DCC: variants seen among roughly 807,000 people sequenced by gnomAD.
DCC encodes the protein netrin receptor DCC.
A neutral mutation model predicts 172.5 loss-of-function variants in DCC; 58 were observed. The observed-to-expected ratio is 0.34, with a 90% CI of 0.27 to 0.42. The LOEUF (loss-of-function observed/expected upper bound fraction) is 0.42, where lower values mean the gene tolerates loss of function less well. Ranked by LOEUF, DCC falls within the 10% of genes least tolerant of loss-of-function variation. The pLI, the probability that DCC is intolerant of heterozygous loss-of-function variation, is 1.00. For missense variants in DCC, 1,740 were observed against 1,791.0 expected (o/e 0.97, Z 0.51); for synonymous variants, 709 against 644.5 (o/e 1.10, Z -1.52).
In DCC at chr18:52,655,384, C is replaced by T. The variant is rs1453221035; in HGVS notation, c.92-96670C>T. ...AGTTTCTTACTTTCATTGAAAATGG[C>T]GGTCTCTAAGTGTAATCTTTGAAAC... is the stretch of plus-strand genomic sequence containing the variant. On this transcript the variant is annotated intron_variant, in intron 1 of 28. Coordinates refer to ENST00000442544, the MANE Select transcript of DCC (RefSeq NM_005215.4). 2.6e-5 allele frequency among the ~76,000 whole-genome samples: 4 copies of T among 152,092 alleles called. 1 individual carries two copies. In the South Asian group the frequency reaches 6.2e-4, roughly 24 times the overall value.
At chr18:52,736,673 C>T (rs1025356390) in intron 1 of DCC, among the ~76,000 whole-genome samples, 9 of 152,070 alleles carry the variant, frequency 5.9e-5, no homozygotes, top group Admixed American at 2.0e-4. Context: ...AATCCTAGTA[C>T]ATATTATACA....
chr18:52,362,830 C>T (rs2144273834), intron 1 of DCC, among the ~76,000 whole-genome samples: 1 of 152,164 alleles, frequency 6.6e-6, no homozygotes, highest in East Asian at 1.9e-4. Flanking sequence ...CATTTATTTA[C>T]TTGGGCTGCA....
intron 12 of DCC, among the ~76,000 whole-genome samples, chr18:53,266,995 A>G (rs546351685): frequency 6.6e-6 from 1 of 151,860 alleles, no homozygotes; most frequent in African/African-American, 2.4e-5. Context: ...TTTATGTACA[A>G]GTTTTTGTGT....
At chr18:52,537,466 G>A (rs1375141141) in intron 1 of DCC, among the ~76,000 whole-genome samples, 1 of 152,154 alleles carries the variant, frequency 6.6e-6, no homozygotes, top group Non-Finnish European at 1.5e-5. Flanking sequence ...AGCGCCTGTT[G>A]AGGCTGCTGC....
rs142378108 is a variant in DCC, at chr18:52,732,461, T to G, written c.92-19593T>G. Among the ~76,000 whole-genome samples the G allele has an allele frequency of 7.3e-3, 1,105 of 152,300 alleles. 11 individuals are homozygous for G. Among genetic ancestry groups the G allele is most frequent in the African/African-American group, 0.026 (1,074 of 41,558 alleles). On this transcript the variant is annotated intron_variant, in intron 1 of 28. Transcript: ENST00000442544. ...TATTACGTTATGTGACTTCATTTATTGTTTATTTACTTTCATTTCTGATGA... is the reference window on the plus strand; with the variant it reads ...TATTACGTTATGTGACTTCATTTATGGTTTATTTACTTTCATTTCTGATGA...
At chr18:52,932,580 A>G (rs2040322033) in intron 5 of DCC, among the ~76,000 whole-genome samples, 1 of 152,090 alleles carries the variant, frequency 6.6e-6, no homozygotes. Context: ...ACTTTCCAGA[A>G]ATGGTTCTAG....
chr18:53,207,803 T>C lies in DCC; in HGVS notation c.1847T>C (p.Val616Ala). The C allele has an allele frequency of 6.2e-7, 1 of 1,612,068 alleles. No homozygotes were observed. The highest frequency in any genetic ancestry group is 8.5e-7 in the Non-Finnish European group (1 of 1,178,236). Residue 616 changes from valine (V) to alanine (A), a missense_variant, in exon 11 of 29, where the codon GTT becomes GCT. This residue lies in a region of DCC where 1,732 missense variants were observed against 1,767.4 expected (regional missense o/e 0.98). Coordinates refer to ENST00000442544, the MANE Select transcript of DCC (RefSeq NM_005215.4). The part of the protein sequence containing the change: ...PGVSTDDITV[V>A]TLSDVPSAPP... The stretch of plus-strand genomic sequence containing the variant: ...GTCTCTACTGATGATATAACAGTGG[T>C]TACACTTTCTGACGGTAAGTTAAAA...
At chr18:53,515,830 C>A (rs1483989577) in intron 27 of DCC, among the ~76,000 whole-genome samples, 12 of 151,984 alleles carry the variant, frequency 7.9e-5, no homozygotes, top group African/African-American at 2.7e-4. Flanking sequence ...ACATTCCATG[C>A]TCATGGGTAG....
intron 1 of DCC, among the ~76,000 whole-genome samples, chr18:52,541,891 A>ATATATATATATATATATG (rs1449522752): frequency 8.6e-6 from 1 of 115,796 alleles, no homozygotes; most frequent in East Asian, 2.6e-4. Context: ...ATATATATAT[A>ATATATATATATATATATG]TATATGTGTA....
At chr18:52,573,093 A>G (rs1451107732) in intron 1 of DCC, among the ~76,000 whole-genome samples, 4 of 152,214 alleles carry the variant, frequency 2.6e-5, no homozygotes, top group African/African-American at 7.2e-5. Context: ...GAAAGTTCAC[A>G]TATACCTTTA....
chr18:53,272,098 A>G (rs1481114256), intron 12 of DCC, among the ~76,000 whole-genome samples: 1 of 152,062 alleles, frequency 6.6e-6, no homozygotes, highest in African/African-American at 2.4e-5. Flanking sequence ...GAAACTTAGT[A>G]TTTTGGCAGA....
At chr18:52,789,081 T>C (rs9955427) in intron 2 of DCC, among the ~76,000 whole-genome samples, 6,557 of 152,198 alleles carry the variant, frequency 0.043, 218 homozygotes, top group South Asian at 0.16. Flanking sequence ...TAGACATCCC[T>C]TAAAGTATGT....
chr18:53,181,318 T>G (rs1229385768), intron 9 of DCC, among the ~76,000 whole-genome samples: 1 of 152,116 alleles, frequency 6.6e-6, no homozygotes, highest in Non-Finnish European at 1.5e-5. Flanking sequence ...CCTTGCTTTG[T>G]AAGAATGAGC....
chr18:52,834,254 G>T (rs2038664813), intron 2 of DCC, among the ~76,000 whole-genome samples: 1 of 151,740 alleles, frequency 6.6e-6, no homozygotes, highest in Non-Finnish European at 1.5e-5. Flanking sequence ...TTTTTAAACA[G>T]TTTGAAGTCC....
chr18:53,213,742 T>C (rs1241937803), intron 11 of DCC, among the ~76,000 whole-genome samples: 2 of 131,076 alleles, frequency 1.5e-5, no homozygotes, highest in South Asian at 4.4e-4. Flanking sequence ...GATAACATTT[T>C]TGGAAGTTTG....
rs200213348 is a variant in DCC, at chr18:53,099,939, C to CTTTTTTTTTTTT, written c.1261+33776_1261+33777insTTTTTTTTTTTT. Among the ~76,000 whole-genome samples the CTTTTTTTTTTTT allele has an allele frequency of 4.2e-3, 369 of 87,098 alleles. 40 individuals carry two copies. Among genetic ancestry groups the CTTTTTTTTTTTT allele is most frequent in the African/African-American group, 8.0e-3 (150 of 18,822 alleles). The allele number at this position is 87,098 out of a possible 152,430, so 57.1% of individuals were successfully genotyped here. On this transcript the variant is annotated intron_variant, in intron 7 of 28. Coordinates refer to ENST00000442544, the MANE Select transcript of DCC (RefSeq NM_005215.4). ...AAGAGACTTTTCTTTTCTTTTCTTT[C>CTTTTTTTTTTTT]TTTCTTTTTTTTTTTTTTTTTGTTT...
At chr18:52,522,348 G>A (rs1277519003) in intron 1 of DCC, among the ~76,000 whole-genome samples, 1 of 152,142 alleles carries the variant, frequency 6.6e-6, no homozygotes, top group Admixed American at 6.6e-5. Flanking sequence ...TAACCAAGCT[G>A]AGAGATGCCT....
chr18:52,924,001 T>A (rs1055534644), intron 4 of DCC, 144 bp downstream of exon 4: 4 of 703,502 alleles, frequency 5.7e-6, no homozygotes, highest in South Asian at 4.8e-5. Flanking sequence ...CTTGGCATGA[T>A]ACAGTTATAT....
chr18:52,873,903 T>G (rs975851224), intron 2 of DCC, among the ~76,000 whole-genome samples: 4 of 152,226 alleles, frequency 2.6e-5, no homozygotes, highest in Admixed American at 2.6e-4. Flanking sequence ...AAGATGAAGA[T>G]TTTTCTATCC....
Sources: gnomAD v4.1 joint callset for allele counts (sites outside exome capture counted in the v4.1 genomes callset) on GRCh38, gnomAD v4.1.1 for gene constraint, gnomAD v4.1.1 regional missense constraint, MANE v1.5 for transcripts, NCBI Gene and HGNC (gene_info 2026-07-23, HGNC 2026-07-21) for gene names.